Variants in PHKB observed in about 807,000 individuals in gnomAD.
PHKB encodes the protein phosphorylase kinase regulatory subunit beta, also known as phosphorylase b kinase regulatory subunit beta.
Under a neutral mutation model 152.1 loss-of-function variants are expected in PHKB, and 122 were observed. The observed-to-expected ratio is 0.80, with a 90% CI of 0.69 to 0.93. The LOEUF is 0.93. Among genes scored for constraint, PHKB ranks in the 40% least tolerant of loss-of-function variants. PHKB has a pLI of 0.00. For missense variants in PHKB, 1,304 were observed against 1,328.4 expected (o/e 0.98, Z 0.29); for synonymous variants, 436 against 464.9 (o/e 0.94, Z 0.80).
intron 4 of PHKB, 23 bp from the exon 5 acceptor site, chr16:47,511,642 T>G: frequency 6.8e-7 from 1 of 1,471,466 alleles, no homozygotes; most frequent in Non-Finnish European, 9.5e-7. Context: ...ACTAATGTTG[T>G]TTAATTTTAT....
chr16:47,591,054 T>A (rs1972020989), intron 10 of PHKB, among the ~76,000 whole-genome samples: 1 of 152,194 alleles, frequency 6.6e-6, no homozygotes, highest in Non-Finnish European at 1.5e-5. Flanking sequence ...CATCCTATTC[T>A]CTTTTCCTTT....
At chr16:47,561,308 T>C (rs577768674) in intron 7 of PHKB, 2 of 152,338 alleles carry the variant, frequency 1.3e-5, no homozygotes, top group African/African-American at 4.8e-5. Context: ...GTGATTTTCT[T>C]GTAAACCACC....
At chr16:47,601,206 GACCCT>G (rs1972219273) in intron 13 of PHKB, among the ~76,000 whole-genome samples, 1 of 152,166 alleles carries the variant, frequency 6.6e-6, no homozygotes, top group African/African-American at 2.4e-5. Flanking sequence ...AATAGAGTGA[GACCCT>G]GTCTCAAAAA....
chr16:47,598,904 C>T (rs1045780328), intron 13 of PHKB: 19 of 1,596,344 alleles, frequency 1.2e-5, no homozygotes, highest in African/African-American at 2.7e-5. Context: ...TCCTCAAGAA[C>T]GTCAAGAATC....
chr16:47,509,126 G>A (rs907346170), intron 4 of PHKB, among the ~76,000 whole-genome samples: 3 of 152,168 alleles, frequency 2.0e-5, no homozygotes, highest in Non-Finnish European at 4.4e-5. Flanking sequence ...TGGTTAAAAT[G>A]TGTTTTGCTT....
intron 7 of PHKB, among the ~76,000 whole-genome samples, chr16:47,573,757 G>T (rs1041355335): frequency 1.4e-4 from 22 of 152,294 alleles, no homozygotes; most frequent in Admixed American, 1.4e-3. Context: ...GATCAATGGG[G>T]TTTATACCCA....
intron 6 of PHKB, among the ~76,000 whole-genome samples, chr16:47,520,543 C>A (rs1477010869): frequency 6.6e-6 from 1 of 152,106 alleles, no homozygotes; most frequent in Admixed American, 6.5e-5. Context: ...CTCTGTTTAA[C>A]CTGTACAGAT....
At chr16:47,697,298 A>T (rs1275202844) in intron 29 of PHKB, among the ~76,000 whole-genome samples, 1 of 152,202 alleles carries the variant, frequency 6.6e-6, no homozygotes, top group Non-Finnish European at 1.5e-5. Flanking sequence ...GTCAGAGCTG[A>T]GTAGATTTAG....
intron 6 of PHKB, among the ~76,000 whole-genome samples, chr16:47,526,652 T>A (rs1013442016): frequency 6.6e-6 from 1 of 152,162 alleles, no homozygotes; most frequent in African/African-American, 2.4e-5. Context: ...ATAGCTTTTA[T>A]TTTATGGTTT....
rs542638284 is a variant in PHKB, at chr16:47,559,861, A to T, written c.710+12313A>T. ...GTCAAAGAATTTCAGATGTGCTTTA[A>T]ACCACCACGGGTCCTTCACTTGGAT... On this transcript the variant is annotated intron_variant, in intron 7 of 30. Transcript: ENST00000323584. 3.3e-5 allele frequency among the ~76,000 whole-genome samples: 5 copies of T among 152,266 alleles called. No homozygotes were observed. The South Asian group carries it at 1.0e-3, about 32-fold the overall frequency.
intron 13 of PHKB, among the ~76,000 whole-genome samples, chr16:47,608,023 T>TG (rs796294127): frequency 1.4e-4 from 21 of 152,020 alleles, no homozygotes; most frequent in African/African-American, 5.1e-4. Context: ...TATTTTTTAA[T>TG]GGGTTTTTTT....
chr16:47,686,124 G>A (rs1438474590), intron 26 of PHKB, among the ~76,000 whole-genome samples: 1 of 152,182 alleles, frequency 6.6e-6, no homozygotes. Flanking sequence ...TGATTTTTGA[G>A]AACAGTGTTG....
At chr16:47,677,983 T>C (rs904257571) in intron 26 of PHKB, among the ~76,000 whole-genome samples, 2 of 144,508 alleles carry the variant, frequency 1.4e-5, no homozygotes, top group African/African-American at 2.6e-5. Context: ...TGTGTTCTCA[T>C]TGTTTAGTTC....
chr16:47,519,857 T>A (rs2151654746), intron 6 of PHKB, among the ~76,000 whole-genome samples: 1 of 152,336 alleles, frequency 6.6e-6, no homozygotes, highest in Admixed American at 6.5e-5. Flanking sequence ...TTTTTTTCCT[T>A]GTACACTAAG....
chr16:47,522,381 G>T (rs1016500951), intron 6 of PHKB, among the ~76,000 whole-genome samples: 3 of 151,882 alleles, frequency 2.0e-5, no homozygotes, highest in Non-Finnish European at 4.4e-5. Context: ...TAAGATTGAT[G>T]TTAATGTCCC....
chr16:47,622,367 C>G (rs374586209), intron 14 of PHKB, among the ~76,000 whole-genome samples: 9 of 152,250 alleles, frequency 5.9e-5, no homozygotes, highest in Admixed American at 3.3e-4. Flanking sequence ...AATCTATATC[C>G]TGACAAGTTG....
chr16:47,534,508 T>C (rs1314591458), intron 6 of PHKB, among the ~76,000 whole-genome samples: 1 of 152,198 alleles, frequency 6.6e-6, no homozygotes, highest in African/African-American at 2.4e-5. Context: ...AATTCATAAA[T>C]GTAGAAATAA....
intron 1 of PHKB, among the ~76,000 whole-genome samples, chr16:47,483,613 G>T (rs966650286): frequency 6.6e-6 from 1 of 152,100 alleles, no homozygotes; most frequent in Non-Finnish European, 1.5e-5. Flanking sequence ...TGGTCAAATC[G>T]TTTTTTAATC....
intron 26 of PHKB, among the ~76,000 whole-genome samples, chr16:47,685,688 TAA>T (rs1050024606): frequency 2.0e-5 from 3 of 152,140 alleles, no homozygotes; most frequent in African/African-American, 7.2e-5. Flanking sequence ...TTCCAAGGTA[TAA>T]AAAGATTAGT....
Sources: gnomAD v4.1 joint callset for allele counts (sites outside exome capture counted in the v4.1 genomes callset) on GRCh38, gnomAD v4.1.1 for gene constraint, MANE v1.5 for transcripts, NCBI Gene and HGNC (gene_info 2026-07-23, HGNC 2026-07-21) for gene names.